NAALADL2: variants seen among roughly 807,000 people sequenced by gnomAD.
The protein encoded by NAALADL2 is inactive N-acetylated-alpha-linked acidic dipeptidase-like protein 2.
NAALADL2 carries 76 observed loss-of-function variants against 87.2 expected under a neutral mutation model. That is an observed-to-expected ratio of 0.87 (90% confidence interval 0.72 to 1.05). The LOEUF is 1.05. NAALADL2 is among the 50% of genes least tolerant of loss of function. NAALADL2 has a pLI of 0.00. For missense variants in NAALADL2, 1,089 were observed against 945.8 expected, an observed-to-expected ratio of 1.15 and a Z score of -1.99; for synonymous variants, 354 against 331.0, an observed-to-expected ratio of 1.07 and a Z score of -0.75.
At chr3:175,250,253 CTGTGTGTGTGTGTGTG>C (rs147841608) in intron 3 of NAALADL2, among the ~76,000 whole-genome samples, 15 of 146,186 alleles carry the variant, frequency 1.0e-4, no homozygotes, top group African/African-American at 3.5e-4. Context: ...CTCACTTTTT[CTGTGTGTGTGTGTGTG>C]TGTGTGTGTG....
chr3:175,102,894 G>C (rs1489874719), intron 2 of NAALADL2, among the ~76,000 whole-genome samples: 1 of 152,078 alleles, frequency 6.6e-6, no homozygotes. Flanking sequence ...CAGATCACGA[G>C]GTCAAGAGAT....
chr3:174,685,447 C>A (rs1727943040), intron 2 of NAALADL2, among the ~76,000 whole-genome samples: 1 of 152,136 alleles, frequency 6.6e-6, no homozygotes, highest in African/African-American at 2.4e-5. Context: ...CAGTTGATTC[C>A]AAACTTCTCT....
At chr3:175,645,545 T>C (rs1729887192) in intron 11 of NAALADL2, among the ~76,000 whole-genome samples, 1 of 152,078 alleles carries the variant, frequency 6.6e-6, no homozygotes, top group Admixed American at 6.6e-5. Flanking sequence ...AATTTTGCTC[T>C]AAAGTGCATA....
intron 5 of NAALADL2, among the ~76,000 whole-genome samples, chr3:175,384,192 G>A (rs1317824790): frequency 5.9e-5 from 9 of 151,834 alleles, no homozygotes; most frequent in African/African-American, 9.7e-5. Context: ...TTGGGTTTAC[G>A]AGCTGCATAA....
chr3:174,478,691 GT>G, intron 1 of NAALADL2, among the ~76,000 whole-genome samples: 1 of 152,118 alleles, frequency 6.6e-6, no homozygotes, highest in East Asian at 1.9e-4. Flanking sequence ...TAGATACCAT[GT>G]TTTTTGTATG....
intron 3 of NAALADL2, among the ~76,000 whole-genome samples, chr3:174,762,848 G>A (rs943267040): frequency 1.3e-5 from 2 of 152,034 alleles, no homozygotes; most frequent in Non-Finnish European, 2.9e-5. Context: ...ATTACATGGA[G>A]CTTGAAAAAT....
intron 10 of NAALADL2, among the ~76,000 whole-genome samples, chr3:175,597,302 G>A (rs921095556): frequency 6.6e-6 from 1 of 151,906 alleles, no homozygotes; most frequent in African/African-American, 2.4e-5. Context: ...AAAAGTTGAG[G>A]TTTGTTGCTA....
At chr3:174,443,517 TG>T (rs1227531198) in intron 1 of NAALADL2, among the ~76,000 whole-genome samples, 1 of 152,178 alleles carries the variant, frequency 6.6e-6, no homozygotes, top group African/African-American at 2.4e-5. Flanking sequence ...AGGTGTTAGA[TG>T]GGTTTTAGAT....
chr3:175,056,873 T>C (rs1712310040), intron 1 of NAALADL2, among the ~76,000 whole-genome samples: 1 of 152,212 alleles, frequency 6.6e-6, no homozygotes, highest in African/African-American at 2.4e-5. Flanking sequence ...GTGGGCCAGG[T>C]GTTCCTTGCC....
At chr3:175,059,093 A>G (rs925836444) in intron 1 of NAALADL2, among the ~76,000 whole-genome samples, 10 of 152,302 alleles carry the variant, frequency 6.6e-5, no homozygotes, top group Middle Eastern at 6.8e-3. Flanking sequence ...TTTAAGTAAA[A>G]TAATGACACT....
At chr3:175,720,223 A>G (rs1488548562) in intron 11 of NAALADL2, among the ~76,000 whole-genome samples, 1 of 152,154 alleles carries the variant, frequency 6.6e-6, no homozygotes, top group Non-Finnish European at 1.5e-5. Flanking sequence ...TCGATGCTGA[A>G]ATAAACTATA....
intron 12 of NAALADL2, among the ~76,000 whole-genome samples, chr3:175,749,185 A>C (rs559860288): frequency 5.4e-5 from 2 of 37,292 alleles, no homozygotes; most frequent in African/African-American, 2.5e-4. Flanking sequence ...GAGAAGGGAG[A>C]GGAGGGGAAG....
At chr3:175,004,669 C>G (rs1002172170) in intron 1 of NAALADL2, among the ~76,000 whole-genome samples, 4 of 152,016 alleles carry the variant, frequency 2.6e-5, no homozygotes, top group African/African-American at 7.2e-5. Flanking sequence ...AAGTTGTCCA[C>G]GTAAGTGGCT....
intron 1 of NAALADL2, among the ~76,000 whole-genome samples, chr3:174,445,781 AATAG>A (rs928487480): frequency 1.3e-5 from 2 of 152,130 alleles, no homozygotes; most frequent in Admixed American, 6.5e-5. Context: ...TGTGTAACAG[AATAG>A]ATATTTTTTC....
chr3:175,070,273 A>G (rs1715378082), intron 1 of NAALADL2, among the ~76,000 whole-genome samples: 1 of 150,930 alleles, frequency 6.6e-6, no homozygotes, highest in East Asian at 2.0e-4. Context: ...ATTCTCTGCA[A>G]AAGTATAAAT....
At chr3:175,355,557 G>A (rs928885607) in intron 5 of NAALADL2, among the ~76,000 whole-genome samples, 1 of 152,154 alleles carries the variant, frequency 6.6e-6, no homozygotes, top group Non-Finnish European at 1.5e-5. Context: ...AAATTCTTGA[G>A]TCTCAGCTTG....
intron 1 of NAALADL2, among the ~76,000 whole-genome samples, chr3:174,974,222 G>GT (rs1229177376): frequency 6.6e-6 from 1 of 152,188 alleles, no homozygotes; most frequent in East Asian, 1.9e-4. Flanking sequence ...AGGTGTCAGT[G>GT]TTTTAAAACT....
intron 13 of NAALADL2, among the ~76,000 whole-genome samples, chr3:175,796,027 C>G (rs1753435079): frequency 8.3e-6 from 1 of 120,762 alleles, no homozygotes; most frequent in Non-Finnish European, 1.5e-5. Context: ...GGCTAACTAA[C>G]CCCTTATTGT....
chr3:175,130,202 A>G (rs1727612428), intron 2 of NAALADL2, among the ~76,000 whole-genome samples: 1 of 65,740 alleles, frequency 1.5e-5, no homozygotes. Flanking sequence ...TAACTTTTGT[A>G]TATTATAACT....
Sources: gnomAD v4.1 joint callset for allele counts (sites outside exome capture counted in the v4.1 genomes callset) on GRCh38, gnomAD v4.1.1 for gene constraint, MANE v1.5 for transcripts, NCBI Gene and HGNC (gene_info 2026-07-23, HGNC 2026-07-21) for gene names.